FBXW4: variants seen among roughly 807,000 people sequenced by gnomAD.
FBXW4 encodes the protein F-box and WD repeat domain containing 4.
Under a neutral mutation model 61.8 loss-of-function variants are expected in FBXW4, and 40 were observed. The observed-to-expected ratio is 0.65, with a 90% confidence interval of 0.50 to 0.84. The LOEUF (loss-of-function observed/expected upper bound fraction) is 0.84. Ranked by LOEUF, FBXW4 falls within the 40% of genes least tolerant of loss-of-function variation. The probability of loss-of-function intolerance (pLI) is 0.00; values close to 1 mark genes in which losing one functional copy is unlikely to be tolerated. For synonymous variants in FBXW4, 311 were observed against 313.8 expected, an observed-to-expected ratio of 0.99 and a Z score of 0.10; for missense variants, 672 against 753.8, an observed-to-expected ratio of 0.89 and a Z score of 1.27.
intron 7 of FBXW4, among the ~76,000 whole-genome samples, 184 bp downstream of exon 7, chr10:101,612,153 T>C (rs1480510050): frequency 6.6e-6 from 1 of 152,228 alleles, no homozygotes; most frequent in Non-Finnish European, 1.5e-5. Flanking sequence ...CTGTTGGCTA[T>C]AGCCAAGCCA....
chr10:101,652,731 T>C (rs968578420), intron 5 of FBXW4, among the ~76,000 whole-genome samples: 4 of 152,164 alleles, frequency 2.6e-5, no homozygotes, highest in Admixed American at 6.5e-5. Context: ...GTGGTATCTA[T>C]CAATCAGAAT....
intron 5 of FBXW4, among the ~76,000 whole-genome samples, chr10:101,665,443 T>G (rs1429571530): frequency 6.6e-6 from 1 of 151,856 alleles, no homozygotes; most frequent in Admixed American, 6.6e-5. Flanking sequence ...TCTCAAAAAA[T>G]CATCCCAGGG....
intron 5 of FBXW4, among the ~76,000 whole-genome samples, chr10:101,643,448 GCA>G (rs371741411): frequency 6.6e-6 from 1 of 152,162 alleles, no homozygotes; most frequent in African/African-American, 2.4e-5. Context: ...TGCTGAGAAG[GCA>G]CACACACACA....
chr10:101,679,935 C>A lies in FBXW4; in HGVS notation c.726-3499G>T, dbSNP rs34174886. 5.0e-3 allele frequency among the ~76,000 whole-genome samples: 760 copies of A among 152,206 alleles called. 3 individuals are homozygous for A. The highest frequency in any genetic ancestry group is 8.1e-3 in the Non-Finnish European group (548 of 68,016). On this transcript the variant is annotated intron_variant, in intron 1 of 8. Coordinates refer to ENST00000331272, the MANE Select transcript of FBXW4 (RefSeq NM_022039.4). The stretch of plus-strand genomic sequence containing the variant: ...CCAATGTCCATTACACCACTCTGTA[C>A]GCCTGTGTGTACCCATGCCTTAGCT...
intron 2 of FBXW4, 46 bp from the exon 3 acceptor site, chr10:101,673,719 T>A (rs376910027): frequency 6.3e-7 from 1 of 1,575,016 alleles, no homozygotes; most frequent in East Asian, 2.3e-5. Flanking sequence ...AGATACAGTA[T>A]GAAAACTCAA....
At chr10:101,640,482 C>T (rs1392713432) in intron 5 of FBXW4, among the ~76,000 whole-genome samples, 17 of 88,948 alleles carry the variant, frequency 1.9e-4, no homozygotes, top group Admixed American at 6.5e-4. Flanking sequence ...TTCTTTCTTT[C>T]TCTTTTTTTT....
chr10:101,689,775 C>G (rs913720967), intron 1 of FBXW4, among the ~76,000 whole-genome samples: 1 of 152,212 alleles, frequency 6.6e-6, no homozygotes, highest in Non-Finnish European at 1.5e-5. Context: ...AATAAACACA[C>G]TCTGCTTATC....
chr10:101,636,906 AG>A (rs2134836731), intron 5 of FBXW4, among the ~76,000 whole-genome samples: 1 of 152,292 alleles, frequency 6.6e-6, no homozygotes, highest in Admixed American at 6.5e-5. Context: ...ACATTTAAAA[AG>A]TATCACTATC....
chr10:101,689,130 G>A (rs1261249380), intron 1 of FBXW4, among the ~76,000 whole-genome samples: 1 of 17,582 alleles, frequency 5.7e-5, no homozygotes, highest in East Asian at 1.6e-3. Context: ...GAAGGTTCCA[G>A]GTGCAAAAAA....
At chr10:101,657,639 C>CAAAAA (rs35721394) in intron 5 of FBXW4, among the ~76,000 whole-genome samples, 1 of 56,110 alleles carries the variant, frequency 1.8e-5, no homozygotes, top group Non-Finnish European at 3.0e-5. Context: ...GACTCTGTCT[C>CAAAAA]AAAAAAAAAA....
At chr10:101,643,997 C>T (rs908778170) in intron 5 of FBXW4, among the ~76,000 whole-genome samples, 9 of 152,226 alleles carry the variant, frequency 5.9e-5, no homozygotes, top group African/African-American at 1.4e-4. Flanking sequence ...TTAACAGGGG[C>T]TTTCACCTGG....
intron 5 of FBXW4, among the ~76,000 whole-genome samples, chr10:101,666,684 T>C (rs72844630): frequency 0.057 from 8,647 of 152,200 alleles, 335 homozygotes; most frequent in Middle Eastern, 0.17. Context: ...TGTACTCTGC[T>C]GGGGAGGAGA....
chr10:101,671,640 A>G (rs535527768), intron 4 of FBXW4, among the ~76,000 whole-genome samples: 1 of 152,176 alleles, frequency 6.6e-6, no homozygotes, highest in African/African-American at 2.4e-5. Flanking sequence ...GATGGCTAGA[A>G]TAAGACAGGA....
intron 5 of FBXW4, among the ~76,000 whole-genome samples, chr10:101,641,758 A>G (rs1001244297): frequency 1.3e-5 from 2 of 152,136 alleles, no homozygotes; most frequent in African/African-American, 4.8e-5. Flanking sequence ...GAAATTAGGT[A>G]CGAGGAAACC....
intron 6 of FBXW4, among the ~76,000 whole-genome samples, chr10:101,617,757 C>T (rs1258659846): frequency 3.3e-5 from 5 of 151,976 alleles, no homozygotes; most frequent in African/African-American, 1.2e-4. Flanking sequence ...AGAAGTGAAA[C>T]GCAAAGTATC....
intron 2 of FBXW4, among the ~76,000 whole-genome samples, chr10:101,674,819 G>T (rs1362451660): frequency 6.6e-6 from 1 of 152,234 alleles, no homozygotes; most frequent in South Asian, 2.1e-4. Flanking sequence ...CCTGTGGCAG[G>T]GAATGAGACT....
chr10:101,642,147 C>T (rs2064058842), intron 5 of FBXW4, among the ~76,000 whole-genome samples: 1 of 152,118 alleles, frequency 6.6e-6, no homozygotes, highest in Non-Finnish European at 1.5e-5. Context: ...GCTTGGGCAA[C>T]AGAGTGAGAC....
chr10:101,674,744 C>A (rs1303840364), intron 2 of FBXW4, among the ~76,000 whole-genome samples: 2 of 152,172 alleles, frequency 1.3e-5, no homozygotes, highest in African/African-American at 4.8e-5. Context: ...AAGAGAAATC[C>A]ACAAATAGTT....
intron 5 of FBXW4, among the ~76,000 whole-genome samples, chr10:101,641,555 G>C (rs1214966704): frequency 6.6e-6 from 1 of 151,966 alleles, no homozygotes; most frequent in African/African-American, 2.4e-5. Context: ...ATCCCTCTGA[G>C]TGACATGTGC....
Sources: allele counts gnomAD v4.1 joint callset (sites outside exome capture counted in the v4.1 genomes callset), GRCh38; gene constraint gnomAD v4.1.1; transcripts MANE v1.5; gene names NCBI Gene and HGNC (gene_info 2026-07-23, HGNC 2026-07-21).